The following VPS13A variants were observed in gnomAD, a reference collection of about 807,000 sequenced individuals.
The protein encoded by VPS13A is vacuolar protein sorting 13 homolog A.
A neutral mutation model predicts 390.9 loss-of-function variants in VPS13A; 264 were observed. The observed-to-expected ratio is 0.68, with a 90% CI of 0.61 to 0.75. VPS13A has a LOEUF of 0.75. Among genes scored for constraint, VPS13A ranks in the 30% least tolerant of loss-of-function variants. The pLI, the probability that VPS13A is intolerant of heterozygous loss-of-function variation, is 0.00. For synonymous variants in VPS13A, 1,231 were observed against 1,227.1 expected (o/e 1.00, Z -0.07); for missense variants, 3,409 against 3,733.9 (o/e 0.91, Z 2.27).
chr9:77,356,978 C>T (rs1262053242), intron 55 of VPS13A, 111 bp downstream of exon 55: 1 of 1,164,756 alleles, frequency 8.6e-7, no homozygotes. Flanking sequence ...CAAAATAATC[C>T]TGTCATACAT....
chr9:77,368,328 T>A (rs1056746351), intron 62 of VPS13A, among the ~76,000 whole-genome samples, 192 bp downstream of exon 62: 1 of 152,234 alleles, frequency 6.6e-6, no homozygotes, highest in African/African-American at 2.4e-5. Flanking sequence ...TGTCCTTATA[T>A]TTTTTAGCCA....
chr9:77,369,526 A>G (rs780201434), intron 63 of VPS13A, 114 bp downstream of exon 63: 2 of 766,120 alleles, frequency 2.6e-6, no homozygotes, highest in Non-Finnish European at 4.6e-6. Context: ...GAACACACAC[A>G]AAAGGACATC....
intron 33 of VPS13A, among the ~76,000 whole-genome samples, chr9:77,302,068 C>T (rs1828398290): frequency 6.6e-6 from 1 of 151,672 alleles, no homozygotes. Context: ...AGTGATTCTT[C>T]TGCCTCAGCC....
At chr9:77,415,838 C>A in intron 71 of VPS13A, 118 bp from the exon 72 acceptor site, 1 of 1,132,874 alleles carries the variant, frequency 8.8e-7, no homozygotes, top group Non-Finnish European at 1.3e-6. Flanking sequence ...TATGTATTGG[C>A]TGTCAGTATT....
intron 67 of VPS13A, among the ~76,000 whole-genome samples, chr9:77,373,784 T>G (rs933243772): frequency 2.1e-4 from 31 of 151,100 alleles, no homozygotes; most frequent in African/African-American, 7.5e-4. Flanking sequence ...TCAAACAAAT[T>G]TACAAGAAAA....
intron 34 of VPS13A, among the ~76,000 whole-genome samples, chr9:77,305,103 T>A (rs1828652144): frequency 6.6e-6 from 1 of 152,094 alleles, no homozygotes; most frequent in Admixed American, 6.5e-5. Flanking sequence ...CGCGCCCGGC[T>A]AATTTTTTGT....
At chr9:77,257,155 G>A (rs914105764) in intron 22 of VPS13A, among the ~76,000 whole-genome samples, 9 of 151,132 alleles carry the variant, frequency 6.0e-5, no homozygotes, top group African/African-American at 2.2e-4. Flanking sequence ...TTCCAGTTTT[G>A]TATATTCTAC....
intron 69 of VPS13A, among the ~76,000 whole-genome samples, chr9:77,405,319 G>A (rs1048295577): frequency 2.0e-5 from 3 of 152,088 alleles, no homozygotes; most frequent in South Asian, 2.1e-4. Flanking sequence ...TGGGAAATAC[G>A]TTACATGGAG....
chr9:77,281,721 A>G (rs966303403), intron 27 of VPS13A, 146 bp from the exon 28 acceptor site: 3 of 448,022 alleles, frequency 6.7e-6, no homozygotes, highest in Non-Finnish European at 1.2e-5. Flanking sequence ...TTAGGTAATT[A>G]TATGTGTGTG....
At chr9:77,304,225 G>A (rs1828574911) in intron 34 of VPS13A, among the ~76,000 whole-genome samples, 1 of 152,154 alleles carries the variant, frequency 6.6e-6, no homozygotes, top group South Asian at 2.1e-4. Context: ...GGCACGTCCT[G>A]CACAGCCCTA....
intron 40 of VPS13A, 121 bp downstream of exon 40, chr9:77,317,819 T>A (rs983409174): frequency 1.6e-6 from 1 of 612,732 alleles, no homozygotes; most frequent in Admixed American, 3.3e-5. Context: ...TTTTTGAAAA[T>A]ACGTTTTTAT....
At chr9:77,345,501 A>AT (rs888087831) in intron 52 of VPS13A, among the ~76,000 whole-genome samples, 9 of 151,128 alleles carry the variant, frequency 6.0e-5, no homozygotes, top group African/African-American at 9.7e-5. Flanking sequence ...AAAATTTCAG[A>AT]TTTTTTTTTC....
chr9:77,394,530 C>A (rs1370215998), intron 68 of VPS13A, among the ~76,000 whole-genome samples: 2 of 152,116 alleles, frequency 1.3e-5, no homozygotes, highest in Non-Finnish European at 2.9e-5. Context: ...ACAGCAAGAC[C>A]ATGTCTCTAA....
At chr9:77,181,532 A>AG (rs1359498211) in intron 1 of VPS13A, among the ~76,000 whole-genome samples, 35 of 151,750 alleles carry the variant, frequency 2.3e-4, no homozygotes, top group African/African-American at 6.8e-4. Context: ...AAAAAAAAAA[A>AG]AAAAGAAACT....
At chr9:77,194,496 A>G (rs1564621016) in intron 1 of VPS13A, among the ~76,000 whole-genome samples, 1 of 152,132 alleles carries the variant, frequency 6.6e-6, no homozygotes, top group Non-Finnish European at 1.5e-5. Flanking sequence ...ATACCTGGCC[A>G]TGCTCCACTG....
chr9:77,178,096 A>C lies in VPS13A; in HGVS notation c.100+292A>C, dbSNP rs1025746576. On this transcript the variant is annotated intron_variant, in intron 1 of 71. Coordinates refer to ENST00000360280, the MANE Select transcript of VPS13A (RefSeq NM_033305.3). Reference sequence around the variant, plus strand: ...GTGGGCTCCGTGGGTCTGGCGTTCAAGTCCCGGCGAGGGGCCGTTCTCTAC... The same window carrying C: ...GTGGGCTCCGTGGGTCTGGCGTTCACGTCCCGGCGAGGGGCCGTTCTCTAC... The C allele has an allele frequency of 1.0e-4, 38 of 367,664 alleles. 1 individual carries two copies. The Admixed American group carries it at 1.3e-3, about 13-fold the overall frequency. The allele number at this position is 367,664 out of a possible 1,614,324, so 22.8% of individuals were successfully genotyped here.
chr9:77,219,492 T>C (rs1823060955), intron 10 of VPS13A, among the ~76,000 whole-genome samples: 1 of 152,140 alleles, frequency 6.6e-6, no homozygotes, highest in Non-Finnish European at 1.5e-5. Context: ...CTTTCACTCT[T>C]CATCTCTCTC....
chr9:77,397,335 G>A (rs955351579), intron 68 of VPS13A, among the ~76,000 whole-genome samples: 5 of 151,860 alleles, frequency 3.3e-5, no homozygotes, highest in African/African-American at 2.4e-5. Flanking sequence ...TTTTTTAAAC[G>A]TTCATACCTC....
chr9:77,414,130 T>C (rs1031676500), intron 71 of VPS13A, among the ~76,000 whole-genome samples: 18 of 152,172 alleles, frequency 1.2e-4, no homozygotes, highest in African/African-American at 4.3e-4. Flanking sequence ...AACACTTTTA[T>C]ACTGTTGGTG....
Sources: allele counts gnomAD v4.1 joint callset (sites outside exome capture counted in the v4.1 genomes callset), GRCh38; gene constraint gnomAD v4.1.1; transcripts MANE v1.5; gene names NCBI Gene and HGNC (gene_info 2026-07-23, HGNC 2026-07-21).